NTM: variants seen among roughly 807,000 people sequenced by gnomAD.
The protein encoded by NTM is neurotrimin, also known as IgLON family member 2.
NTM carries 13 observed loss-of-function variants against 42.1 expected under a neutral mutation model. The observed-to-expected ratio is 0.31, with a 90% CI of 0.20 to 0.49. The LOEUF is 0.49. Among genes scored for constraint, NTM ranks in the 20% least tolerant of loss-of-function variants. The pLI is 0.99. For missense variants in NTM, 373 were observed against 452.8 expected (o/e 0.82, Z 1.60); for synonymous variants, 187 against 179.2 (o/e 1.04, Z -0.35).
intron 1 of NTM, among the ~76,000 whole-genome samples, chr11:131,666,094 A>AT (rs1057110993): frequency 2.0e-4 from 31 of 152,102 alleles, no homozygotes; most frequent in African/African-American, 7.5e-4. Context: ...AGTCTGTTGT[A>AT]TTTTTTTCTT....
chr11:131,952,527 G>A (rs947634841), intron 2 of NTM, among the ~76,000 whole-genome samples: 1 of 152,074 alleles, frequency 6.6e-6, no homozygotes, highest in Admixed American at 6.5e-5. Context: ...CTCTCTCTCA[G>A]CTATCCCTTA....
At position 132,336,394 on chromosome 11, in the gene NTM, A is replaced by C. The variant is rs913208692; in HGVS notation, c.*1248A>C. 6.6e-6 allele frequency: 1 copy of C among 152,186 alleles called. No homozygotes were observed. The highest frequency in any genetic ancestry group is 2.4e-5 in the African/African-American group (1 of 41,418). 9.4% of individuals were successfully genotyped at this position (152,186 alleles called of 1,614,324 possible). A position where few individuals can be genotyped will look rare whatever the true frequency, so the allele number is the denominator to read the frequency against. On this transcript the variant is annotated 3_prime_UTR_variant, in exon 9 of 9. Coordinates refer to ENST00000683400, the MANE Select transcript of NTM (RefSeq NM_001352005.2). Reference sequence around the variant, plus strand: ...TTTATAAAAAGTGAAAGGATAAAAAAAAAAAAAAACAACTAATACCGGGCG... The same window carrying C: ...TTTATAAAAAGTGAAAGGATAAAAACAAAAAAAAACAACTAATACCGGGCG...
chr11:132,294,902 A>G (rs1257971371), intron 4 of NTM, among the ~76,000 whole-genome samples: 1 of 152,224 alleles, frequency 6.6e-6, no homozygotes, highest in East Asian at 1.9e-4. Context: ...GACCATTTTT[A>G]TTAGGGCACA....
chr11:131,655,107 T>A (rs2067010381), intron 1 of NTM, among the ~76,000 whole-genome samples: 2 of 152,148 alleles, frequency 1.3e-5, no homozygotes, highest in Admixed American at 1.3e-4. Context: ...CATGTTGGAA[T>A]CACTCAGAGA....
At chr11:131,836,883 G>A (rs1255745298) in intron 1 of NTM, among the ~76,000 whole-genome samples, 1 of 152,088 alleles carries the variant, frequency 6.6e-6, no homozygotes, top group Non-Finnish European at 1.5e-5. Flanking sequence ...CATTATTTAG[G>A]TGTCAGTTTG....
chr11:131,795,832 G>C (rs531430852), intron 1 of NTM: 63 of 985,394 alleles, frequency 6.4e-5, no homozygotes, highest in Middle Eastern at 1.0e-3. Context: ...TGGAATGCCT[G>C]CACCATGGCA....
chr11:132,055,620 G>A (rs1017562811), intron 2 of NTM, among the ~76,000 whole-genome samples: 2 of 151,712 alleles, frequency 1.3e-5, no homozygotes, highest in Non-Finnish European at 2.9e-5. Context: ...TCCAAGCAAA[G>A]AGGTGTGTGT....
intron 1 of NTM, among the ~76,000 whole-genome samples, chr11:131,777,632 C>T (rs1341791003): frequency 6.6e-6 from 1 of 151,920 alleles, no homozygotes; most frequent in Non-Finnish European, 1.5e-5. Flanking sequence ...CTCATTTTTT[C>T]AAAAATGACT....
intron 2 of NTM, among the ~76,000 whole-genome samples, chr11:132,087,849 T>G (rs2059919173): frequency 6.6e-6 from 1 of 152,326 alleles, no homozygotes; most frequent in South Asian, 2.1e-4. Flanking sequence ...CAGATCAAGT[T>G]GGATTAATTG....
chr11:132,065,559 G>A (rs913175304), intron 2 of NTM, among the ~76,000 whole-genome samples: 11 of 151,866 alleles, frequency 7.2e-5, no homozygotes, highest in Admixed American at 2.0e-4. Flanking sequence ...ACAGTATCTC[G>A]TATTTTATAA....
At chr11:132,263,330 T>C (rs1245420552) in intron 4 of NTM, among the ~76,000 whole-genome samples, 2 of 152,206 alleles carry the variant, frequency 1.3e-5, no homozygotes, top group African/African-American at 4.8e-5. Context: ...TCTTCCCTTG[T>C]CTTGAAGAAT....
At chr11:131,837,085 A>G (rs1290175209) in intron 1 of NTM, among the ~76,000 whole-genome samples, 3 of 152,246 alleles carry the variant, frequency 2.0e-5, no homozygotes, top group Admixed American at 6.5e-5. Flanking sequence ...TTAAAACAAG[A>G]GTCAAGGTAC....
chr11:131,532,464 C>T (rs1198313321), intron 1 of NTM, among the ~76,000 whole-genome samples: 1 of 152,208 alleles, frequency 6.6e-6, no homozygotes, highest in Non-Finnish European at 1.5e-5. Context: ...TCACCCACTC[C>T]TCTGTCATAG....
intron 4 of NTM, among the ~76,000 whole-genome samples, chr11:132,255,839 C>A (rs1035025640): frequency 6.6e-6 from 1 of 152,090 alleles, no homozygotes; most frequent in Non-Finnish European, 1.5e-5. Context: ...CCACTGCCGT[C>A]CTGTTGCTTT....
chr11:131,787,354 G>GATTATTATTATTATTATTATTATT (rs149079341), intron 1 of NTM, among the ~76,000 whole-genome samples: 59 of 144,432 alleles, frequency 4.1e-4, no homozygotes, highest in African/African-American at 9.1e-4. Flanking sequence ...CATAATACAA[G>GATTATTATTATTATTATTATTATT]ATTATTATTA....
At position 132,102,907 on chromosome 11, in the gene NTM, A is replaced by C. The variant is rs1180523653; in HGVS notation, c.168-43375A>C. 2.6e-5 allele frequency among the ~76,000 whole-genome samples: 4 copies of C among 152,212 alleles called. No individual in the cohort carries two copies. In the East Asian group the frequency reaches 7.7e-4, roughly 29 times the overall value. On this transcript the variant is annotated intron_variant, in intron 2 of 8. Transcript: ENST00000683400. The stretch of plus-strand genomic sequence containing the variant: ...CCAACAGTTACAGGTGCTCGCACAC[A>C]TCAAATGCCTCTTGTTGAGGCATTA...
chr11:131,891,010 G>A (rs1192694133), intron 1 of NTM, among the ~76,000 whole-genome samples: 1 of 152,162 alleles, frequency 6.6e-6, no homozygotes, highest in Non-Finnish European at 1.5e-5. Flanking sequence ...GTGCGAATTT[G>A]TTTAGACTAT....
intron 2 of NTM, among the ~76,000 whole-genome samples, chr11:131,933,208 C>G (rs1414941576): frequency 6.6e-6 from 1 of 152,198 alleles, no homozygotes; most frequent in Non-Finnish European, 1.5e-5. Flanking sequence ...CCAATTGGCT[C>G]CTGGTCCTGG....
chr11:131,569,602 G>T, intron 1 of NTM, among the ~76,000 whole-genome samples: 1 of 126,182 alleles, frequency 7.9e-6, no homozygotes. Context: ...CTTTGATACA[G>T]GGTTTTACTC....
Sources: gnomAD v4.1 joint callset for allele counts (sites outside exome capture counted in the v4.1 genomes callset) on GRCh38, gnomAD v4.1.1 for gene constraint, MANE v1.5 for transcripts, NCBI Gene and HGNC (gene_info 2026-07-23, HGNC 2026-07-21) for gene names.